Variants in TICAM2 observed in about 807,000 individuals in gnomAD.
TICAM2 encodes TIR domain-containing adapter molecule 2.
In TICAM2, 8 loss-of-function variants were observed where a neutral mutation model predicts 7.3. That is an observed-to-expected ratio of 1.10 (90% CI 0.65 to 1.99). TICAM2 has a LOEUF of 1.99. TICAM2 is among the 30% of genes most tolerant of loss of function. TICAM2 has a pLI of 0.00. For missense variants in TICAM2, 304 were observed against 278.8 expected, an observed-to-expected ratio of 1.09 and a Z score of -0.65; for synonymous variants, 113 against 99.6, an observed-to-expected ratio of 1.13 and a Z score of -0.80.
intron 1 of TICAM2, among the ~76,000 whole-genome samples, chr5:115,587,061 T>C (rs1755131594): frequency 6.6e-6 from 1 of 152,066 alleles, no homozygotes; most frequent in African/African-American, 2.4e-5. Flanking sequence ...GTTAGAATCA[T>C]TTTGCACCGG....
intron 1 of TICAM2, among the ~76,000 whole-genome samples, chr5:115,593,124 G>C (rs896660628): frequency 6.6e-6 from 1 of 152,164 alleles, no homozygotes; most frequent in Non-Finnish European, 1.5e-5. Context: ...GCCTGGGCGA[G>C]AGAATGAGAT....
At chr5:115,582,972 A>G (rs1391638286) in intron 1 of TICAM2, among the ~76,000 whole-genome samples, 1 of 152,140 alleles carries the variant, frequency 6.6e-6, no homozygotes, top group Non-Finnish European at 1.5e-5. Context: ...TCCGTCATTC[A>G]CTCTGTCTGT....
chr5:115,590,102 C>CTTTG (rs1241454500), intron 1 of TICAM2, among the ~76,000 whole-genome samples: 1 of 152,102 alleles, frequency 6.6e-6, no homozygotes, highest in Non-Finnish European at 1.5e-5. Flanking sequence ...AATCCCAATA[C>CTTTG]TTTGAGAAGC....
Position 115,580,712 on chromosome 5 carries a change from C to T in TICAM2, c.545G>A (p.Arg182Gln), listed in dbSNP as rs763891317. The change falls in exon 2 of 2, where the codon CGA (arginine) becomes CAA (glutamine). Residue 182 changes from arginine to glutamine, a missense_variant. Physicochemically the swap from Arg to Gln is conservative, Grantham distance 43. Transcript: ENST00000427199. ...PMRPLNNPLPRERTPFALQTI... is the reference protein window; with the variant it reads ...PMRPLNNPLPQERTPFALQTI... ...TTGGAGGGCAAAGGGAGTCCTTTCT[C>T]GGGGAAGGGGATTGTTCAGGGGCCG... is the stretch of plus-strand genomic sequence containing the variant. The T allele has an allele frequency of 1.0e-5, 16 of 1,597,816 alleles. No individual in the cohort carries two copies. Among genetic ancestry groups the T allele is most frequent in the East Asian group, 6.7e-5 (3 of 44,810 alleles).
In TICAM2 at chr5:115,579,050, A is replaced by C. The variant is rs1754822121; in HGVS notation, c.*1499T>G. On this transcript the variant is annotated 3_prime_UTR_variant, in exon 2 of 2. Transcript: ENST00000427199. ...AATAAGAAAAAAGAAATTAAGCAAA[A>C]TGTCTTTACTCAAGGATCTCTATAA... is the stretch of plus-strand genomic sequence containing the variant. 1 of 152,570 alleles carries C rather than the reference A, an allele frequency of 6.6e-6. No individual in the cohort carries two copies. The highest frequency in any genetic ancestry group is 6.5e-5 in the Admixed American group (1 of 15,280). The allele number at this position is 152,570 out of a possible 1,614,324, so 9.5% of individuals were successfully genotyped here. A position where few individuals can be genotyped will look rare whatever the true frequency, so the allele number is the denominator to read the frequency against.
At position 115,581,212 on chromosome 5, in the gene TICAM2, G is replaced by C; in HGVS notation, c.45C>G (p.Leu15=). The C allele has an allele frequency of 6.2e-7, 1 of 1,611,988 alleles. No individual in the cohort carries two copies. The highest frequency in any genetic ancestry group is 8.5e-7 in the Non-Finnish European group (1 of 1,179,976). Residue 15 remains leucine (L), a synonymous_variant, in exon 2 of 2, where the codon CTC becomes CTG. Transcript: ENST00000427199. ...CCACACTGTGCCTTTTACCCCAAGA[G>C]AGAGAAAGAGGGCAGGAATTTATTT... ...KSKINSCPLS[L]SWGKRHSVDT...
chr5:115,602,167 A>AGG lies in TICAM2; in HGVS notation c.-132_-131dup, dbSNP rs1365290522. 1 of 152,114 alleles carries AGG rather than the reference A, an allele frequency of 6.6e-6. No homozygotes were observed. Among genetic ancestry groups the AGG allele is most frequent in the Non-Finnish European group, 1.5e-5 (1 of 68,090 alleles). The allele number at this position is 152,114 out of a possible 1,614,324, so 9.4% of individuals were successfully genotyped here. A position where few individuals can be genotyped will look rare whatever the true frequency, so the allele number is the denominator to read the frequency against. ...CCTTTCTGGCCCAGCGAGAGCGCCCAGGGGGTGGGCGTCTTGCCCCGGGCG... is the reference window on the plus strand; with the variant it reads ...CCTTTCTGGCCCAGCGAGAGCGCCCAGGGGGGGTGGGCGTCTTGCCCCGGGCG... On this transcript the variant is annotated 5_prime_UTR_variant, in exon 1 of 2. Coordinates refer to ENST00000427199, the MANE Select transcript of TICAM2 (RefSeq NM_021649.7).
intron 1 of TICAM2, among the ~76,000 whole-genome samples, chr5:115,598,357 T>C (rs1198895229): frequency 1.3e-5 from 2 of 152,218 alleles, no homozygotes; most frequent in Non-Finnish European, 2.9e-5. Context: ...TCCAAGAGCA[T>C]GGGTTTGCTA....
intron 1 of TICAM2, among the ~76,000 whole-genome samples, chr5:115,598,560 C>A (rs256968): frequency 6.6e-6 from 1 of 151,964 alleles, no homozygotes; most frequent in Admixed American, 6.5e-5. Flanking sequence ...GGAAGCTCCA[C>A]GTTAATGAGT....
chr5:115,580,686 T>C lies in TICAM2; in HGVS notation c.571A>G (p.Thr191Ala). ...CTTTCTTCCTCTAAGGCATTGATGG[T>C]TTGGAGGGCAAAGGGAGTCCTTTCT... ...PRERTPFALQ[T>A]INALEEESRG... The change falls in exon 2 of 2, where the codon ACC (threonine) becomes GCC (alanine). Residue 191 changes from threonine (T) to alanine (A), a missense_variant. Transcript: ENST00000427199. 1.3e-6 allele frequency: 2 copies of C among 1,592,812 alleles called. No homozygotes were observed. Among genetic ancestry groups the C allele is most frequent in the South Asian group, 1.1e-5 (1 of 87,178 alleles).
intron 1 of TICAM2, among the ~76,000 whole-genome samples, chr5:115,592,141 C>T (rs537845720): frequency 6.6e-6 from 1 of 152,172 alleles, no homozygotes; most frequent in South Asian, 2.1e-4. Context: ...AATCTAGAGT[C>T]ATATACAAAG....
intron 1 of TICAM2, among the ~76,000 whole-genome samples, chr5:115,582,844 A>C (rs1477541183): frequency 6.6e-6 from 1 of 151,638 alleles, no homozygotes; most frequent in African/African-American, 2.4e-5. Flanking sequence ...TGTTCAACAA[A>C]AGTGGTGAAA....
intron 1 of TICAM2, among the ~76,000 whole-genome samples, chr5:115,598,033 G>A (rs1755579561): frequency 6.6e-6 from 1 of 152,006 alleles, no homozygotes; most frequent in South Asian, 2.1e-4. Context: ...TTCTTCACAT[G>A]TACACATATA....
Position 115,594,200 on chromosome 5 carries a change from C to G in TICAM2, c.-60+7897G>C, listed in dbSNP as rs1755420636. ...TACTTACTTAATTTTTAAAAATGAT[C>G]AAATTAAAATATATTACAATACTTA... is the stretch of plus-strand genomic sequence containing the variant. On this transcript the variant is annotated intron_variant, in intron 1 of 1. Transcript: ENST00000427199. 2.0e-5 allele frequency among the ~76,000 whole-genome samples: 3 copies of G among 152,204 alleles called. 1 individual carries two copies. Among genetic ancestry groups the G allele is most frequent in the South Asian group, 4.1e-4 (2 of 4,820 alleles).
At chr5:115,581,367 A>C in intron 1 of TICAM2, 52 bp from the exon 2 acceptor site, 2 of 1,510,758 alleles carry the variant, frequency 1.3e-6, no homozygotes, top group South Asian at 1.2e-5. Flanking sequence ...CAAAACATTA[A>C]AAATGGAAAC....
At chr5:115,588,613 CCT>C (rs777589607) in intron 1 of TICAM2, among the ~76,000 whole-genome samples, 5 of 152,214 alleles carry the variant, frequency 3.3e-5, no homozygotes, top group Non-Finnish European at 7.3e-5. Flanking sequence ...AAAACTTATT[CCT>C]GTCTCTTTTT....
At chr5:115,594,073 T>G (rs1474658027) in intron 1 of TICAM2, among the ~76,000 whole-genome samples, 1 of 152,232 alleles carries the variant, frequency 6.6e-6, no homozygotes, top group Non-Finnish European at 1.5e-5. Flanking sequence ...TCATGCTTGG[T>G]CCTTTTCTCT....
At chr5:115,582,379 C>A (rs1264474530) in intron 1 of TICAM2, among the ~76,000 whole-genome samples, 3 of 142,084 alleles carry the variant, frequency 2.1e-5, no homozygotes, top group African/African-American at 2.6e-5. Context: ...TCATATGTTG[C>A]CCAGGCTGGT....
At chr5:115,597,228 A>C (rs1580419735) in intron 1 of TICAM2, among the ~76,000 whole-genome samples, 2 of 152,162 alleles carry the variant, frequency 1.3e-5, no homozygotes, top group African/African-American at 4.8e-5. Context: ...GAGAGCCTCT[A>C]TCTCCCTCTG....
Sources: gnomAD v4.1 joint callset for allele counts (sites outside exome capture counted in the v4.1 genomes callset) on GRCh38, gnomAD v4.1.1 for gene constraint, MANE v1.5 for transcripts, NCBI Gene and HGNC (gene_info 2026-07-23, HGNC 2026-07-21) for gene names.